LBX1: variants seen among roughly 807,000 people sequenced by gnomAD.
The protein encoded by LBX1 is ladybird homeobox 1, also known as transcription factor LBX1.
In LBX1, 6 loss-of-function variants were observed where a neutral mutation model predicts 19.9. That is an observed-to-expected ratio of 0.30 (90% CI 0.17 to 0.60). The LOEUF (loss-of-function observed/expected upper bound fraction) is 0.60, where lower values mean the gene tolerates loss of function less well. Ranked by LOEUF, LBX1 falls within the 20% of genes least tolerant of loss-of-function variation. The probability of loss-of-function intolerance (pLI) is 0.87; values close to 1 mark genes in which losing one functional copy is unlikely to be tolerated. For synonymous variants in LBX1, 190 were observed against 189.3 expected, an observed-to-expected ratio of 1.00 and a Z score of -0.03; for missense variants, 344 against 393.7, an observed-to-expected ratio of 0.87 and a Z score of 1.07.
At position 101,227,200 on chromosome 10, in the gene LBX1, G is replaced by T; in HGVS notation, c.*70C>A. ...AGAGGAGGTCCCAGCTCCCCTCGGCGGTCCGGTCCGGGAGGCGTTGGGCTT... is the reference window on the plus strand; with the variant it reads ...AGAGGAGGTCCCAGCTCCCCTCGGCTGTCCGGTCCGGGAGGCGTTGGGCTT... On this transcript the variant is annotated 3_prime_UTR_variant, in exon 2 of 2. Coordinates refer to ENST00000370193, the MANE Select transcript of LBX1 (RefSeq NM_006562.5). 6.8e-7 allele frequency: 1 copy of T among 1,475,076 alleles called. No homozygotes were observed. 91.4% of individuals were successfully genotyped at this position (1,475,076 alleles called of 1,614,324 possible).
chr10:101,228,466 A>C, intron 1 of LBX1, 25 bp downstream of exon 1: 1 of 1,519,314 alleles, frequency 6.6e-7, no homozygotes, highest in Non-Finnish European at 8.9e-7. Context: ...CGCTGGGTGC[A>C]GGGGAACCCA....
chr10:101,227,072 G>C lies in LBX1; in HGVS notation c.*198C>G. ...GGGGCGGCGGAGGCCGCTGGTGGCG[G>C]CCGGCCCGGCCGGCCAGCCTGGGTT... On this transcript the variant is annotated 3_prime_UTR_variant, in exon 2 of 2. Coordinates refer to ENST00000370193, the MANE Select transcript of LBX1 (RefSeq NM_006562.5). 2.0e-6 allele frequency: 1 copy of C among 506,300 alleles called. No homozygotes were observed. The highest frequency in any genetic ancestry group is 3.5e-5 in the East Asian group (1 of 28,856). The allele number at this position is 506,300 out of a possible 1,614,324, so 31.4% of individuals were successfully genotyped here.
Position 101,227,516 on chromosome 10 carries a change from G to C in LBX1, c.600C>G (p.Ser200Arg). 6.2e-7 allele frequency: 1 copy of C among 1,613,276 alleles called. No homozygotes were observed. Among genetic ancestry groups the C allele is most frequent in the Non-Finnish European group, 8.5e-7 (1 of 1,179,596 alleles). ...DVESAKKLGP[S>R]GQMDIVALAE... ...CCAGCGCCACGATGTCCATCTGCCCGCTGGGGCCCAGTTTCTTGGCGGACT... is the reference window on the plus strand; with the variant it reads ...CCAGCGCCACGATGTCCATCTGCCCCCTGGGGCCCAGTTTCTTGGCGGACT... Residue 200 changes from serine to arginine, a missense_variant, in exon 2 of 2, where the codon AGC becomes AGG. Physicochemically the swap from Ser to Arg is moderately radical, Grantham distance 110. This residue lies in a region of LBX1 where 146 missense variants were observed against 124.2 expected (regional missense o/e 1.18). Coordinates refer to ENST00000370193, the MANE Select transcript of LBX1 (RefSeq NM_006562.5).
chr10:101,227,828 G>C lies in LBX1; in HGVS notation c.326-38C>G, dbSNP rs767882401. On this transcript the variant is annotated intron_variant, in intron 1 of 1. Coordinates refer to ENST00000370193, the MANE Select transcript of LBX1 (RefSeq NM_006562.5). ...GACAGTGTAGGCTCGCGTTGGGAGA[G>C]AGGAAGCCCACCCTGGCTCTCGCCC... 9 of 1,526,912 alleles carry C rather than the reference G, an allele frequency of 5.9e-6. No homozygotes were observed. The African/African-American group carries it at 1.1e-4, about 19-fold the overall frequency. The allele number at this position is 1,526,912 out of a possible 1,614,324, so 94.6% of individuals were successfully genotyped here.
At chr10:101,227,826 G>GT in intron 1 of LBX1, 36 bp from the exon 2 acceptor site, 1 of 1,527,926 alleles carries the variant, frequency 6.5e-7, no homozygotes, top group Non-Finnish European at 8.8e-7. Flanking sequence ...CGCGTTGGGA[G>GT]AGAGGAAGCC....
chr10:101,227,290 C>G lies in LBX1; in HGVS notation c.826G>C (p.Glu276Gln). The change falls in exon 2 of 2, where the codon GAG becomes CAG. Residue 276 changes from glutamate (E) to glutamine (Q), a missense_variant. Coordinates refer to ENST00000370193, the MANE Select transcript of LBX1 (RefSeq NM_006562.5). Reference sequence around the variant, plus strand: ...GCCGCTCAATCGTCCACGTCGATCTCTTCGTCTTCCTCGTCCTCCGAGCAG... The same window carrying G: ...GCCGCTCAATCGTCCACGTCGATCTGTTCGTCTTCCTCGTCCTCCGAGCAG... ...QDCSEDEEDE[E>Q]IDVDD is the part of the protein sequence containing the mutation. 6 of 1,607,120 alleles carry G rather than the reference C, an allele frequency of 3.7e-6. No homozygotes were observed. Among genetic ancestry groups the G allele is most frequent in the Non-Finnish European group, 5.1e-6 (6 of 1,178,168 alleles).
Position 101,228,670 on chromosome 10 carries a change from C to T in LBX1, c.146G>A (p.Arg49Lys). The T allele has an allele frequency of 6.2e-7, 1 of 1,605,232 alleles. No individual in the cohort carries two copies. Among genetic ancestry groups the T allele is most frequent in the East Asian group, 2.3e-5 (1 of 44,204 alleles). The change falls in exon 1 of 2, where the codon AGA (arginine) becomes AAA (lysine). Residue 49 changes from arginine to lysine, a missense_variant. Around this residue, in one of 3 missense-constraint regions of LBX1, gnomAD observed 153 missense variants for 168.9 expected, o/e 0.91. Transcript: ENST00000370193. Reference protein sequence around the residue: ...EDILNKPSVRRSYSLCGAAHL... With the variant: ...EDILNKPSVRKSYSLCGAAHL... ...CGCCGCCCCGCACAGCGAGTAACTT[C>T]TCCGCACAGACGGCTTGTTGAGGAT...
Position 101,227,191 on chromosome 10 carries a change from C to T in LBX1, c.*79G>A. ...GGAGTTGGCAGAGGAGGTCCCAGCT[C>T]CCCTCGGCGGTCCGGTCCGGGAGGC... On this transcript the variant is annotated 3_prime_UTR_variant, in exon 2 of 2. Coordinates refer to ENST00000370193, the MANE Select transcript of LBX1 (RefSeq NM_006562.5). The T allele has an allele frequency of 7.0e-7, 1 of 1,426,134 alleles. No homozygotes were observed. The highest frequency in any genetic ancestry group is 9.5e-7 in the Non-Finnish European group (1 of 1,056,952). The allele number at this position is 1,426,134 out of a possible 1,614,324, so 88.3% of individuals were successfully genotyped here.
In LBX1 at chr10:101,227,226, T is replaced by C; in HGVS notation, c.*44A>G. 1 of 1,574,076 alleles carries C rather than the reference T, an allele frequency of 6.4e-7. No homozygotes were observed. On this transcript the variant is annotated 3_prime_UTR_variant, in exon 2 of 2. Coordinates refer to ENST00000370193, the MANE Select transcript of LBX1 (RefSeq NM_006562.5). ...GTCCGGTCCGGGAGGCGTTGGGCTTTCGAGCGCTAGGAGCCCAGGGCGGCG... is the reference window on the plus strand; with the variant it reads ...GTCCGGTCCGGGAGGCGTTGGGCTTCCGAGCGCTAGGAGCCCAGGGCGGCG...
At position 101,227,097 on chromosome 10, in the gene LBX1, T is replaced by G; in HGVS notation, c.*173A>C. The G allele has an allele frequency of 9.8e-6, 6 of 612,654 alleles. No homozygotes were observed. The highest frequency in any genetic ancestry group is 4.6e-4 in the Middle Eastern group (1 of 2,156). 38.0% of individuals were successfully genotyped at this position (612,654 alleles called of 1,614,324 possible). A position where few individuals can be genotyped will look rare whatever the true frequency, so the allele number is the denominator to read the frequency against. ...GCCGGCCCGGCCGGCCAGCCTGGGT[T>G]TATTGCTTCGAGAGGGAAGAGGCGG... On this transcript the variant is annotated 3_prime_UTR_variant, in exon 2 of 2. Coordinates refer to ENST00000370193, the MANE Select transcript of LBX1 (RefSeq NM_006562.5).
In LBX1 at chr10:101,228,886, G is replaced by A; in HGVS notation, c.-71C>T. The A allele has an allele frequency of 1.8e-6, 2 of 1,117,808 alleles. No homozygotes were observed. Among genetic ancestry groups the A allele is most frequent in the Non-Finnish European group, 2.3e-6 (2 of 870,784 alleles). The allele number at this position is 1,117,808 out of a possible 1,614,324, so 69.2% of individuals were successfully genotyped here. On this transcript the variant is annotated 5_prime_UTR_variant, in exon 1 of 2. Transcript: ENST00000370193. ...GACCCAGCCCGCGGGCAGCTCGGGCGCCGGACGGCGCGGGCAGGCAGCGGC... is the reference window on the plus strand; with the variant it reads ...GACCCAGCCCGCGGGCAGCTCGGGCACCGGACGGCGCGGGCAGGCAGCGGC...
chr10:101,227,408 G>C lies in LBX1; in HGVS notation c.708C>G (p.Val236=). 6.3e-7 allele frequency: 1 copy of C among 1,599,896 alleles called. No homozygotes were observed. Among genetic ancestry groups the C allele is most frequent in the Non-Finnish European group, 8.5e-7 (1 of 1,175,402 alleles). ...GGGCCTTCGGGGCGCCTGGGGGGAG[G>C]ACCGGAGAGCCGGGCCTCGACTTGG... ...GRAKSRPGSP[V]LPPGAPKAPG... is the part of the protein sequence containing the mutation. Residue 236 remains valine (V), a synonymous_variant, in exon 2 of 2, where the codon GTC becomes GTG. Transcript: ENST00000370193.
rs188163621 is a variant in LBX1, at chr10:101,229,427, C to T, written c.-612G>A. ...CCCTTCTCTCTCCTTCTCTCCCTCT[C>T]CCTCGCCCTCTCTTTCACTCTCTGT... is the stretch of plus-strand genomic sequence containing the variant. On this transcript the variant is annotated 5_prime_UTR_variant, in exon 1 of 2. Transcript: ENST00000370193. The surrounding 1 kb of genome is among the most constrained non-coding windows in gnomAD (Gnocchi z 6.4). The T allele has an allele frequency of 6.2e-4, 146 of 235,524 alleles. 1 individual carries two copies. Among genetic ancestry groups the T allele is most frequent in the African/African-American group, 3.3e-3 (137 of 41,944 alleles). 14.6% of individuals were successfully genotyped at this position (235,524 alleles called of 1,614,324 possible). A position where few individuals can be genotyped will look rare whatever the true frequency, so the allele number is the denominator to read the frequency against.
In LBX1 at chr10:101,227,182, G is replaced by T; in HGVS notation, c.*88C>A. On this transcript the variant is annotated 3_prime_UTR_variant, in exon 2 of 2. Transcript: ENST00000370193. ...GAGGAGGCGGGAGTTGGCAGAGGAG[G>T]TCCCAGCTCCCCTCGGCGGTCCGGT... 2 of 1,328,100 alleles carry T rather than the reference G, an allele frequency of 1.5e-6. No homozygotes were observed. Among genetic ancestry groups the T allele is most frequent in the Non-Finnish European group, 2.0e-6 (2 of 978,248 alleles). The allele number at this position is 1,328,100 out of a possible 1,614,324, so 82.3% of individuals were successfully genotyped here. A position where few individuals can be genotyped will look rare whatever the true frequency, so the allele number is the denominator to read the frequency against.
rs774252655 is a variant in LBX1, at chr10:101,227,331, G to A, written c.785C>T (p.Pro262Leu). 1.9e-6 allele frequency: 3 copies of A among 1,609,238 alleles called. No homozygotes were observed. Among genetic ancestry groups the A allele is most frequent in the South Asian group, 1.1e-5 (1 of 90,958 alleles). ...CTCCGAGCAGTCCTGGCTGCTGGCC[G>A]GCTGGTCCGTGAGCGGAGAGGCAGG... ...LSPASPLTDQ[P>L]ASSQDCSEDE... Residue 262 changes from proline to leucine, a missense_variant, in exon 2 of 2, where the codon CCG (proline) becomes CTG (leucine). Around this residue, in one of 3 missense-constraint regions of LBX1, gnomAD observed 146 missense variants for 124.2 expected, o/e 1.18. Coordinates refer to ENST00000370193, the MANE Select transcript of LBX1 (RefSeq NM_006562.5).
At chr10:101,228,442 C>A in intron 1 of LBX1, 49 bp downstream of exon 1, 1 of 1,445,060 alleles carries the variant, frequency 6.9e-7, no homozygotes. Context: ...GCGCGCAGGG[C>A]ACAGGGCGCG....
rs1227045863 is a variant in LBX1 at position 101,228,408 on chromosome 10, G to A, written c.325+83C>T. 14 of 1,097,084 alleles carry A rather than the reference G, an allele frequency of 1.3e-5. No homozygotes were observed. In the East Asian group the frequency reaches 3.6e-4, roughly 28 times the overall value. The allele number at this position is 1,097,084 out of a possible 1,614,324, so 68.0% of individuals were successfully genotyped here. ...GCCCTGGCGGCCGGAGAGGGCAGAG[G>A]CGAGCAGAGGCATAGGGGACGAAGC... is the stretch of plus-strand genomic sequence containing the variant. On this transcript the variant is annotated intron_variant, in intron 1 of 1. Transcript: ENST00000370193.
chr10:101,229,432 G>C lies in LBX1; in HGVS notation c.-617C>G. ...CTCTCTCCTTCTCTCCCTCTCCCTCGCCCTCTCTTTCACTCTCTGTCTGTC... is the reference window on the plus strand; with the variant it reads ...CTCTCTCCTTCTCTCCCTCTCCCTCCCCCTCTCTTTCACTCTCTGTCTGTC... On this transcript the variant is annotated 5_prime_UTR_variant, in exon 1 of 2. Coordinates refer to ENST00000370193, the MANE Select transcript of LBX1 (RefSeq NM_006562.5). This position sits in a 1 kb window ranked among gnomAD's most constrained non-coding sequence, Gnocchi z 6.4. 1 of 194,062 alleles carries C rather than the reference G, an allele frequency of 5.2e-6. No homozygotes were observed. 12.0% of individuals were successfully genotyped at this position (194,062 alleles called of 1,614,324 possible). A position where few individuals can be genotyped will look rare whatever the true frequency, so the allele number is the denominator to read the frequency against.
Position 101,227,193 on chromosome 10 carries a change from C to A in LBX1, c.*77G>T. 1 of 1,439,670 alleles carries A rather than the reference C, an allele frequency of 6.9e-7. No individual in the cohort carries two copies. Among genetic ancestry groups the A allele is most frequent in the South Asian group, 1.3e-5 (1 of 77,790 alleles). 89.2% of individuals were successfully genotyped at this position (1,439,670 alleles called of 1,614,324 possible). A position where few individuals can be genotyped will look rare whatever the true frequency, so the allele number is the denominator to read the frequency against. ...AGTTGGCAGAGGAGGTCCCAGCTCC[C>A]CTCGGCGGTCCGGTCCGGGAGGCGT... On this transcript the variant is annotated 3_prime_UTR_variant, in exon 2 of 2. Transcript: ENST00000370193.
Sources: allele counts gnomAD v4.1 joint callset, GRCh38; gene constraint gnomAD v4.1.1; regional missense constraint gnomAD v4.1.1; non-coding constraint Gnocchi (gnomAD v3.1); transcripts MANE v1.5; gene names NCBI Gene and HGNC (gene_info 2026-07-23, HGNC 2026-07-21).